HTR1F: variants seen among roughly 807,000 people sequenced by gnomAD.
HTR1F encodes 5-hydroxytryptamine (serotonin) receptor 1F, G protein-coupled.
Under a neutral mutation model 24.0 loss-of-function variants are expected in HTR1F, and 17 were observed. The ratio of observed to expected loss-of-function variants is 0.71; its 90% CI spans 0.48 to 1.06. HTR1F has a LOEUF of 1.06. HTR1F is among the 50% of genes least tolerant of loss of function. The probability of loss-of-function intolerance (pLI) is 0.00; values close to 1 mark genes in which losing one functional copy is unlikely to be tolerated. For synonymous variants in HTR1F, 186 were observed against 156.8 expected (o/e 1.19, Z -1.39); for missense variants, 391 against 427.8 (o/e 0.91, Z 0.76).
chr3:87,933,904 A>G (rs1256675689), intron 2 of HTR1F, among the ~76,000 whole-genome samples: 1 of 152,218 alleles, frequency 6.6e-6, no homozygotes, highest in Non-Finnish European at 1.5e-5. Context: ...TTTCCAGCCT[A>G]TAATGAGAAG....
chr3:87,904,310 T>A (rs145026216), intron 2 of HTR1F, among the ~76,000 whole-genome samples: 1 of 152,252 alleles, frequency 6.6e-6, no homozygotes, highest in Non-Finnish European at 1.5e-5. Context: ...GAAAACTGTT[T>A]AGCAGTATCT....
intron 2 of HTR1F, among the ~76,000 whole-genome samples, chr3:87,909,718 C>G (rs1380637859): frequency 6.6e-6 from 1 of 151,986 alleles, no homozygotes. Flanking sequence ...TCTAAACAGA[C>G]AGCCCCAGAG....
intron 2 of HTR1F, among the ~76,000 whole-genome samples, chr3:87,882,433 A>G (rs1705825388): frequency 6.6e-6 from 1 of 152,080 alleles, no homozygotes; most frequent in African/African-American, 2.4e-5. Context: ...CACTATTCAC[A>G]ATAGCAAAGA....
chr3:87,993,624 A>G lies in HTR1F; in HGVS notation c.*1774A>G, dbSNP rs888544887. ...ATCAGGATACAAACTGCACCATGCA[A>G]GTATTTGGTGGGGCATGTTCATAAA... On this transcript the variant is annotated 3_prime_UTR_variant, in exon 3 of 3. Transcript: ENST00000319595. 2.4e-5 allele frequency: 4 copies of G among 167,036 alleles called. No individual in the cohort carries two copies. The highest frequency in any genetic ancestry group is 9.7e-5 in the African/African-American group (4 of 41,440). 10.3% of individuals were successfully genotyped at this position (167,036 alleles called of 1,614,324 possible).
chr3:87,869,454 T>TAGATGATA (rs113301497), intron 2 of HTR1F, among the ~76,000 whole-genome samples: 17 of 124,856 alleles, frequency 1.4e-4, no homozygotes, highest in East Asian at 1.2e-3. Context: ...GATAGATAGA[T>TAGATGATA]GATAGATAGA....
At chr3:87,954,133 G>A (rs552613851) in intron 2 of HTR1F, among the ~76,000 whole-genome samples, 1 of 151,836 alleles carries the variant, frequency 6.6e-6, no homozygotes, top group South Asian at 2.1e-4. Flanking sequence ...GTGTTTGATA[G>A]CACAGTGAGA....
intron 2 of HTR1F, among the ~76,000 whole-genome samples, chr3:87,893,590 G>C (rs958571119): frequency 3.9e-5 from 6 of 152,196 alleles, no homozygotes; most frequent in African/African-American, 1.4e-4. Flanking sequence ...CAGAATGCCT[G>C]ACCACGAAGA....
chr3:87,803,404 C>T (rs1488754285), intron 1 of HTR1F, among the ~76,000 whole-genome samples: 1 of 152,100 alleles, frequency 6.6e-6, no homozygotes, highest in African/African-American at 2.4e-5. Context: ...GCAGGTGCAA[C>T]ATCTCATTGA....
intron 2 of HTR1F, among the ~76,000 whole-genome samples, chr3:87,975,122 G>A (rs1433787119): frequency 6.6e-6 from 1 of 151,966 alleles, no homozygotes; most frequent in African/African-American, 2.4e-5. Flanking sequence ...AATAATAATT[G>A]CTACTCTTAT....
chr3:87,832,336 C>CT (rs1240822899), intron 2 of HTR1F, among the ~76,000 whole-genome samples: 983 of 83,614 alleles, frequency 0.012, 9 homozygotes, highest in Admixed American at 0.052. Context: ...TTTTTTTTTT[C>CT]TTTTTTTTTG....
chr3:87,815,217 G>GACATTAAAACCCAC (rs2107108192), intron 1 of HTR1F, among the ~76,000 whole-genome samples: 1 of 152,162 alleles, frequency 6.6e-6, no homozygotes, highest in East Asian at 1.9e-4. Flanking sequence ...TTAAAACCCT[G>GACATTAAAACCCAC]ACATTAAAAA....
At chr3:87,902,411 G>T (rs1161559065) in intron 2 of HTR1F, among the ~76,000 whole-genome samples, 1 of 152,024 alleles carries the variant, frequency 6.6e-6, no homozygotes, top group East Asian at 1.9e-4. Flanking sequence ...GGGAAAAAAA[G>T]TCAATTCCAA....
chr3:87,960,784 C>T (rs1395942043), intron 2 of HTR1F, among the ~76,000 whole-genome samples: 1 of 151,922 alleles, frequency 6.6e-6, no homozygotes, highest in Admixed American at 6.6e-5. Context: ...TAAATTAACT[C>T]ATCTGTAATC....
intron 1 of HTR1F, among the ~76,000 whole-genome samples, chr3:87,795,344 G>T (rs1258162792): frequency 6.6e-6 from 1 of 152,172 alleles, no homozygotes; most frequent in Non-Finnish European, 1.5e-5. Flanking sequence ...TCTAGCAAAT[G>T]TGGTCTTTTT....
chr3:87,945,483 G>A (rs1704675465), intron 2 of HTR1F, among the ~76,000 whole-genome samples: 1 of 152,182 alleles, frequency 6.6e-6, no homozygotes, highest in South Asian at 2.1e-4. Flanking sequence ...AGAAGGAAAG[G>A]TAGGGGCGCA....
chr3:87,943,774 G>T (rs1704628737), intron 2 of HTR1F, among the ~76,000 whole-genome samples: 1 of 152,208 alleles, frequency 6.6e-6, no homozygotes, highest in African/African-American at 2.4e-5. Flanking sequence ...ACTTCCCTCA[G>T]GAGGCCGGGT....
Position 87,886,142 on chromosome 3 carries a change from A to G in HTR1F, c.-43+64018A>G, listed in dbSNP as rs138239747. ...CATCACATCAAAAAGCTCATCCACC[A>G]CGATCAAGTTGTCTTCATCCCTGTG... On this transcript the variant is annotated intron_variant, in intron 2 of 2. Transcript: ENST00000319595. Among the ~76,000 whole-genome samples the G allele has an allele frequency of 3.9e-3, 595 of 152,300 alleles. 7 individuals carry two copies. Among genetic ancestry groups the G allele is most frequent in the African/African-American group, 0.014 (572 of 41,580 alleles).
intron 1 of HTR1F, among the ~76,000 whole-genome samples, chr3:87,819,974 GT>G (rs1269673369): frequency 3.3e-5 from 5 of 151,954 alleles, no homozygotes. Context: ...CTATATATAA[GT>G]TAATTCTTAA....
At chr3:87,820,380 T>G (rs1704335795) in intron 1 of HTR1F, among the ~76,000 whole-genome samples, 1 of 151,504 alleles carries the variant, frequency 6.6e-6, no homozygotes, top group Non-Finnish European at 1.5e-5. Flanking sequence ...GTTTCACCGT[T>G]TTAGCCGGGA....
Sources: allele counts gnomAD v4.1 joint callset (sites outside exome capture counted in the v4.1 genomes callset), GRCh38; gene constraint gnomAD v4.1.1; transcripts MANE v1.5; gene names NCBI Gene and HGNC (gene_info 2026-07-23, HGNC 2026-07-21).